The following SLC39A11 variants were observed in gnomAD, a reference collection of about 807,000 sequenced individuals.
SLC39A11 encodes solute carrier family 39 member 11, also known as zinc transporter ZIP11.
SLC39A11 carries 33 observed loss-of-function variants against 36.1 expected under a neutral mutation model. That is an observed-to-expected ratio of 0.91 (90% CI 0.69 to 1.22). The LOEUF (loss-of-function observed/expected upper bound fraction) is 1.22. Ranked by LOEUF, SLC39A11 falls within the 50% of genes most tolerant of loss-of-function variation. SLC39A11 has a pLI of 0.00. For synonymous variants in SLC39A11, 166 were observed against 170.3 expected (o/e 0.97, Z 0.20); for missense variants, 432 against 430.3 (o/e 1.00, Z -0.03).
At chr17:73,011,399 T>C (rs1568120922) in intron 4 of SLC39A11, among the ~76,000 whole-genome samples, 1 of 151,820 alleles carries the variant, frequency 6.6e-6, no homozygotes, top group Non-Finnish European at 1.5e-5. Flanking sequence ...GAACTGCAAA[T>C]GGAAGGTAGA....
intron 4 of SLC39A11, among the ~76,000 whole-genome samples, chr17:72,970,640 C>G (rs1049139993): frequency 6.6e-6 from 1 of 152,136 alleles, no homozygotes; most frequent in Non-Finnish European, 1.5e-5. Flanking sequence ...TGTAATGCAC[C>G]GGGAATTGCC....
intron 6 of SLC39A11, among the ~76,000 whole-genome samples, chr17:72,745,204 T>C (rs1357111567): frequency 6.6e-6 from 1 of 152,206 alleles, no homozygotes; most frequent in Non-Finnish European, 1.5e-5. Context: ...GCATTGGTAA[T>C]GAGTGGATGG....
At chr17:72,856,730 G>C (rs987380654) in intron 5 of SLC39A11, among the ~76,000 whole-genome samples, 2 of 151,904 alleles carry the variant, frequency 1.3e-5, no homozygotes, top group Non-Finnish European at 1.5e-5. Context: ...ACCCAGGCTG[G>C]AATGCAGTGG....
intron 7 of SLC39A11, among the ~76,000 whole-genome samples, chr17:72,684,961 C>T (rs891477969): frequency 9.2e-5 from 14 of 152,200 alleles, no homozygotes; most frequent in Non-Finnish European, 1.6e-4. Flanking sequence ...TCCTGCAGAA[C>T]TTTTGGTTCC....
intron 4 of SLC39A11, among the ~76,000 whole-genome samples, chr17:72,955,096 T>G (rs2086148408): frequency 6.6e-6 from 1 of 152,154 alleles, no homozygotes; most frequent in Non-Finnish European, 1.5e-5. Flanking sequence ...ACAGTAATAA[T>G]GCTATATCCA....
chr17:72,912,767 A>G (rs2083093921), intron 5 of SLC39A11, among the ~76,000 whole-genome samples: 2 of 152,222 alleles, frequency 1.3e-5, no homozygotes, highest in Admixed American at 1.3e-4. Context: ...TGGAGAAGGC[A>G]GAAGATGGAA....
chr17:72,678,733 G>A, intron 7 of SLC39A11, among the ~76,000 whole-genome samples: 1 of 151,936 alleles, frequency 6.6e-6, no homozygotes, highest in Non-Finnish European at 1.5e-5. Context: ...TGCTCTTGGG[G>A]TAGCAATCAT....
chr17:73,086,404 T>C (rs947866246), intron 2 of SLC39A11, among the ~76,000 whole-genome samples: 1 of 152,130 alleles, frequency 6.6e-6, no homozygotes, highest in Admixed American at 6.5e-5. Context: ...GTACATACAA[T>C]GGAATAGTCT....
At chr17:72,819,833 GAC>G (rs2077705210) in intron 6 of SLC39A11, among the ~76,000 whole-genome samples, 1 of 151,220 alleles carries the variant, frequency 6.6e-6, no homozygotes, top group African/African-American at 2.4e-5. Context: ...AATGAAGCTA[GAC>G]AGTGGTCAAC....
chr17:72,798,676 C>T (rs1286708431), intron 6 of SLC39A11, among the ~76,000 whole-genome samples: 1 of 152,006 alleles, frequency 6.6e-6, no homozygotes, highest in South Asian at 2.1e-4. Flanking sequence ...TGAACCACCA[C>T]ACCCAGCCTG....
intron 3 of SLC39A11, among the ~76,000 whole-genome samples, chr17:73,035,141 T>TTTTGTA (rs1216357308): frequency 2.0e-5 from 3 of 152,106 alleles, no homozygotes; most frequent in African/African-American, 7.2e-5. Context: ...TGTTTTTTGT[T>TTTTGTA]TTTGTTTTTG....
At chr17:72,713,562 T>C (rs1555645640) in intron 7 of SLC39A11, among the ~76,000 whole-genome samples, 1 of 152,128 alleles carries the variant, frequency 6.6e-6, no homozygotes, top group Non-Finnish European at 1.5e-5. Flanking sequence ...ACTCTTCTTC[T>C]TCCTCCTCCT....
At chr17:72,808,342 G>C (rs1375036344) in intron 6 of SLC39A11, among the ~76,000 whole-genome samples, 1 of 152,216 alleles carries the variant, frequency 6.6e-6, no homozygotes, top group Non-Finnish European at 1.5e-5. Context: ...TTGGCTTCTA[G>C]CCCTGCAGGT....
chr17:72,945,703 G>T (rs1408831406), intron 5 of SLC39A11, among the ~76,000 whole-genome samples: 2 of 152,120 alleles, frequency 1.3e-5, no homozygotes, highest in African/African-American at 4.8e-5. Flanking sequence ...TGAGCAGGGG[G>T]ACTGGGTTAC....
chr17:72,718,227 CT>C (rs904447934), intron 7 of SLC39A11, among the ~76,000 whole-genome samples: 1 of 152,020 alleles, frequency 6.6e-6, no homozygotes, highest in African/African-American at 2.4e-5. Context: ...GCGGACGGAT[CT>C]TTTGAGGTCA....
At chr17:72,966,579 CT>C (rs60897411) in intron 4 of SLC39A11, among the ~76,000 whole-genome samples, 139,828 of 151,728 alleles carry the variant, frequency 0.92, 64,937 homozygotes, top group Non-Finnish European at 0.98. Context: ...TGTTGTTGTT[CT>C]TTTTTTTGAG....
At chr17:72,896,866 A>G (rs571874264) in intron 5 of SLC39A11, among the ~76,000 whole-genome samples, 127 of 151,912 alleles carry the variant, frequency 8.4e-4, no homozygotes, top group African/African-American at 3.0e-3. Context: ...CAGCCTGACC[A>G]ACATGGAGAA....
At chr17:72,861,076 A>G (rs906624963) in intron 5 of SLC39A11, among the ~76,000 whole-genome samples, 1 of 152,230 alleles carries the variant, frequency 6.6e-6, no homozygotes, top group Non-Finnish European at 1.5e-5. Flanking sequence ...GAGTAATGTC[A>G]TCTAGTACAC....
intron 6 of SLC39A11, among the ~76,000 whole-genome samples, chr17:72,799,284 C>A (rs540495400): frequency 6.6e-6 from 1 of 152,140 alleles, no homozygotes; most frequent in African/African-American, 2.4e-5. Flanking sequence ...TATGTCACCT[C>A]GGGACCACTG....
Sources: gnomAD v4.1 joint callset for allele counts (sites outside exome capture counted in the v4.1 genomes callset) on GRCh38, gnomAD v4.1.1 for gene constraint, MANE v1.5 for transcripts, NCBI Gene and HGNC (gene_info 2026-07-23, HGNC 2026-07-21) for gene names.